PHACTR3: variants seen among roughly 807,000 people sequenced by gnomAD.
PHACTR3 encodes the protein protein phosphatase 1, regulatory subunit 123.
In PHACTR3, 16 loss-of-function variants were observed where a neutral mutation model predicts 66.8. The ratio of observed to expected loss-of-function variants is 0.24; its 90% CI spans 0.16 to 0.36. PHACTR3 has a LOEUF of 0.36. Ranked by LOEUF, PHACTR3 falls within the 10% of genes least tolerant of loss-of-function variation. The pLI is 1.00. For synonymous variants in PHACTR3, 323 were observed against 292.1 expected, an observed-to-expected ratio of 1.11 and a Z score of -1.08; for missense variants, 647 against 719.9, an observed-to-expected ratio of 0.90 and a Z score of 1.16.
At chr20:59,583,578 C>T (rs1350979095) in intron 1 of PHACTR3, among the ~76,000 whole-genome samples, 4 of 152,260 alleles carry the variant, frequency 2.6e-5, no homozygotes, top group Admixed American at 2.6e-4. Context: ...ACGCAAGCAG[C>T]CTCGGACTGA....
chr20:59,806,101 G>C lies in PHACTR3; in HGVS notation c.1235G>C (p.Ser412Thr). 6.2e-7 allele frequency: 1 copy of C among 1,614,260 alleles called. No homozygotes were observed. Among genetic ancestry groups the C allele is most frequent in the Non-Finnish European group, 8.5e-7 (1 of 1,180,048 alleles). The change falls in exon 8 of 13, where the codon AGC becomes ACC. Residue 412 changes from serine (S) to threonine (T), a missense_variant. Transcript: ENST00000371015. ...LLAVKLRNRPSKQELEDRNIF... is the reference protein window; with the variant it reads ...LLAVKLRNRPTKQELEDRNIF... ...GCCGTGAAGCTAAGGAACCGGCCAA[G>C]CAAACAGGAACTAGAAGACCGGAAC...
chr20:59,659,292 C>G (rs1228754214), intron 1 of PHACTR3, among the ~76,000 whole-genome samples: 1 of 151,594 alleles, frequency 6.6e-6, no homozygotes, highest in African/African-American at 2.4e-5. Context: ...TGTCAAATAA[C>G]AGCACATTCT....
intron 1 of PHACTR3, among the ~76,000 whole-genome samples, chr20:59,726,325 C>A (rs2038560005): frequency 6.6e-6 from 1 of 152,116 alleles, no homozygotes; most frequent in Non-Finnish European, 1.5e-5. Context: ...GTGTGTGTGA[C>A]CAGAATGCCA....
At chr20:59,710,284 T>C (rs1297450970) in intron 1 of PHACTR3, among the ~76,000 whole-genome samples, 3 of 152,162 alleles carry the variant, frequency 2.0e-5, no homozygotes, top group Non-Finnish European at 4.4e-5. Flanking sequence ...TTCTCCTGCT[T>C]TTTATCCCAC....
chr20:59,687,007 GTGATGATGGTGGTGA>G lies in PHACTR3; in HGVS notation c.119-56068_119-56054del, dbSNP rs1407121183. On this transcript the variant is annotated intron_variant, in intron 1 of 12. Transcript: ENST00000371015. ...GATGATTGTGATGATGGTGGTGATTGTGATGATGGTGGTGATGATGATGGTGGTGATGATGATGGT... is the reference window on the plus strand; with the variant it reads ...GATGATTGTGATGATGGTGGTGATTGTGATGATGGTGGTGATGATGATGGT... 4.8e-4 allele frequency among the ~76,000 whole-genome samples: 71 copies of G among 146,998 alleles called. No homozygotes were observed. The Middle Eastern group carries it at 0.012, about 24-fold the overall frequency.
At position 59,604,877 on chromosome 20, in the gene PHACTR3, C is replaced by CTTTTTTTT. The variant is rs11477768; in HGVS notation, c.-123_-116dup. 5 of 978,736 alleles carry CTTTTTTTT rather than the reference C, an allele frequency of 5.1e-6. No homozygotes were observed. Among genetic ancestry groups the CTTTTTTTT allele is most frequent in the East Asian group, 8.2e-5 (1 of 12,248 alleles). The allele number at this position is 978,736 out of a possible 1,614,324, so 60.6% of individuals were successfully genotyped here. On this transcript the variant is annotated 5_prime_UTR_variant, in exon 1 of 13. Coordinates refer to ENST00000371015, the MANE Select transcript of PHACTR3 (RefSeq NM_080672.5). ...TCTCCAGCTCGTTTCCTTTCCCGGC[C>CTTTTTTTT]TTTTTTTTTTTTTTTTTTTTTTAAT... is the stretch of plus-strand genomic sequence containing the variant.
At chr20:59,802,002 C>T (rs780522483) in intron 7 of PHACTR3, among the ~76,000 whole-genome samples, 1 of 152,264 alleles carries the variant, frequency 6.6e-6, no homozygotes, top group Admixed American at 6.5e-5. Context: ...AGCAGAGCCA[C>T]GAATGTCAGG....
chr20:59,784,116 T>C (rs1167930138), intron 7 of PHACTR3, among the ~76,000 whole-genome samples: 1 of 152,130 alleles, frequency 6.6e-6, no homozygotes, highest in East Asian at 1.9e-4. Context: ...AGTGGCCCTC[T>C]CCAGTCAGTT....
chr20:59,669,429 G>T (rs985638290), intron 1 of PHACTR3, among the ~76,000 whole-genome samples: 1 of 152,202 alleles, frequency 6.6e-6, no homozygotes, highest in East Asian at 1.9e-4. Context: ...TGGCCAAGCT[G>T]CCTTGAAAGT....
At chr20:59,681,448 AGAG>A (rs2036645418) in intron 1 of PHACTR3, among the ~76,000 whole-genome samples, 5 of 152,198 alleles carry the variant, frequency 3.3e-5, no homozygotes. Flanking sequence ...CAGGGTCTCT[AGAG>A]GAATGCCACA....
At chr20:59,847,094 T>C in intron 12 of PHACTR3, 21 bp from the exon 13 acceptor site, 1 of 1,493,538 alleles carries the variant, frequency 6.7e-7, no homozygotes, top group Non-Finnish European at 9.3e-7. Context: ...TTAAATTCTT[T>C]GTCTTTTTTA....
intron 1 of PHACTR3, among the ~76,000 whole-genome samples, chr20:59,731,361 T>C (rs2038753001): frequency 6.6e-6 from 1 of 152,226 alleles, no homozygotes; most frequent in Non-Finnish European, 1.5e-5. Context: ...AAGAGTTTGT[T>C]CTTTGCAAAT....
chr20:59,702,671 C>T (rs2037548990), intron 1 of PHACTR3, among the ~76,000 whole-genome samples: 1 of 152,230 alleles, frequency 6.6e-6, no homozygotes, highest in Non-Finnish European at 1.5e-5. Flanking sequence ...AGCCCTAGAA[C>T]AGTGCCTGGG....
chr20:59,670,392 C>G (rs951197256), intron 1 of PHACTR3, among the ~76,000 whole-genome samples: 6 of 152,172 alleles, frequency 3.9e-5, no homozygotes, highest in Non-Finnish European at 7.3e-5. Flanking sequence ...GATGGGGCCA[C>G]CTTTTGAGGC....
At chr20:59,587,157 G>A (rs2033055086) in intron 1 of PHACTR3, among the ~76,000 whole-genome samples, 1 of 152,236 alleles carries the variant, frequency 6.6e-6, no homozygotes, top group Middle Eastern at 3.2e-3. Flanking sequence ...GGGACCCCGT[G>A]TGCCCTACAG....
chr20:59,798,817 G>C (rs542523498), intron 7 of PHACTR3, among the ~76,000 whole-genome samples: 1 of 151,786 alleles, frequency 6.6e-6, no homozygotes, highest in African/African-American at 2.4e-5. Flanking sequence ...ATTGGTTTCT[G>C]CTTTGATCCT....
chr20:59,828,490 C>A (rs2042256119), intron 8 of PHACTR3, among the ~76,000 whole-genome samples: 1 of 152,104 alleles, frequency 6.6e-6, no homozygotes, highest in Admixed American at 6.5e-5. Context: ...CTTTATATTG[C>A]AGATAGGGTG....
intron 1 of PHACTR3, among the ~76,000 whole-genome samples, chr20:59,589,436 G>A (rs567642641): frequency 6.6e-6 from 1 of 152,264 alleles, no homozygotes; most frequent in South Asian, 2.1e-4. Flanking sequence ...GTTGATTCTT[G>A]GGATCATCAT....
In PHACTR3 at chr20:59,780,138, A is replaced by C. The variant is rs139313376; in HGVS notation, c.1174+5648A>C. On this transcript the variant is annotated intron_variant, in intron 7 of 12. Transcript: ENST00000371015. ...TGCAAGGGAAGAACCTACTGATGGA[A>C]GGAAGCTGACTTCTCCAGAGCCCCC... Among the ~76,000 whole-genome samples, 464 of 152,240 alleles carry C rather than the reference A, an allele frequency of 3.0e-3. 3 individuals carry two copies. Among genetic ancestry groups the C allele is most frequent in the African/African-American group, 9.6e-3 (400 of 41,538 alleles).
Sources: allele counts gnomAD v4.1 joint callset (sites outside exome capture counted in the v4.1 genomes callset), GRCh38; gene constraint gnomAD v4.1.1; transcripts MANE v1.5; gene names NCBI Gene and HGNC (gene_info 2026-07-23, HGNC 2026-07-21).